Variants in RAP1GDS1 observed in about 807,000 individuals in gnomAD.
The protein encoded by RAP1GDS1 is RAP1, GTP-GDP dissociation stimulator 1.
RAP1GDS1 carries 35 observed loss-of-function variants against 71.1 expected under a neutral mutation model. That is an observed-to-expected ratio of 0.49 (90% CI 0.38 to 0.65). The LOEUF (loss-of-function observed/expected upper bound fraction) is 0.65, where lower values mean the gene tolerates loss of function less well. Among genes scored for constraint, RAP1GDS1 ranks in the 30% least tolerant of loss-of-function variants. The pLI is 0.00. For synonymous variants in RAP1GDS1, 229 were observed against 243.1 expected (o/e 0.94, Z 0.54); for missense variants, 663 against 706.1 (o/e 0.94, Z 0.69).
At chr4:98,352,935 G>A (rs1737428648) in intron 4 of RAP1GDS1, among the ~76,000 whole-genome samples, 1 of 152,078 alleles carries the variant, frequency 6.6e-6, no homozygotes, top group South Asian at 2.1e-4. Flanking sequence ...TCTCTGAATG[G>A]GAATGCTTAT....
chr4:98,437,064 A>C lies in RAP1GDS1; in HGVS notation c.1692A>C (p.Gly564=). The C allele has an allele frequency of 6.3e-7, 1 of 1,596,812 alleles. No homozygotes were observed. Among genetic ancestry groups the C allele is most frequent in the South Asian group, 1.1e-5 (1 of 87,332 alleles). Residue 564 remains glycine, a synonymous_variant, in exon 14 of 15, where the codon GGA becomes GGC. Transcript: ENST00000408927. ...NSMVLICALM[G]SECLHKEVQD... is the part of the protein sequence containing the mutation. ...TGGTCCTGATATGTGCTCTTATGGG[A>C]TCTGGTAAGTATTCTTCTATCATTT...
chr4:98,428,598 A>G (rs947040851), intron 12 of RAP1GDS1, among the ~76,000 whole-genome samples: 2 of 152,248 alleles, frequency 1.3e-5, no homozygotes, highest in African/African-American at 4.8e-5. Flanking sequence ...AAAAATGCTC[A>G]GCATCACTAA....
intron 4 of RAP1GDS1, 25 bp from the exon 5 acceptor site, chr4:98,378,992 T>G: frequency 6.5e-7 from 1 of 1,540,946 alleles, no homozygotes; most frequent in East Asian, 2.3e-5. Context: ...TTCTTTTATT[T>G]TTAATTTAAC....
intron 1 of RAP1GDS1, among the ~76,000 whole-genome samples, chr4:98,277,648 A>G (rs1724424643): frequency 6.6e-6 from 1 of 152,142 alleles, no homozygotes; most frequent in Non-Finnish European, 1.5e-5. Flanking sequence ...GGTACCTACT[A>G]CTACTTAGAT....
intron 7 of RAP1GDS1, among the ~76,000 whole-genome samples, chr4:98,414,901 G>T (rs1312008564): frequency 6.6e-6 from 1 of 151,504 alleles, no homozygotes; most frequent in South Asian, 2.1e-4. Context: ...TTGAGCAGTG[G>T]TTTGTAGTTC....
At chr4:98,295,160 A>T (rs1289860256) in intron 2 of RAP1GDS1, among the ~76,000 whole-genome samples, 1 of 152,128 alleles carries the variant, frequency 6.6e-6, no homozygotes, top group Non-Finnish European at 1.5e-5. Flanking sequence ...AAACACTGAG[A>T]AGTTCATAAT....
chr4:98,400,680 T>C lies in RAP1GDS1; in HGVS notation c.638-3797T>C, dbSNP rs1745280537. On this transcript the variant is annotated intron_variant, in intron 6 of 14. Coordinates refer to ENST00000408927, the MANE Select transcript of RAP1GDS1 (RefSeq NM_001100427.2). ...TGTACCATTGTAGGATAACTATCGTTGACAATAATTATTACATAGTTTCAG... is the reference window on the plus strand; with the variant it reads ...TGTACCATTGTAGGATAACTATCGTCGACAATAATTATTACATAGTTTCAG... Among the ~76,000 whole-genome samples the C allele has an allele frequency of 1.3e-5, 2 of 152,124 alleles. 1 individual carries two copies. Among genetic ancestry groups the C allele is most frequent in the South Asian group, 4.1e-4 (2 of 4,824 alleles).
intron 12 of RAP1GDS1, among the ~76,000 whole-genome samples, chr4:98,425,520 A>G (rs1407631654): frequency 6.6e-6 from 1 of 152,202 alleles, no homozygotes; most frequent in Non-Finnish European, 1.5e-5. Flanking sequence ...CACTTAAGGT[A>G]GAGGGGTGGA....
At chr4:98,321,583 C>G (rs1334449150) in intron 2 of RAP1GDS1, among the ~76,000 whole-genome samples, 1 of 151,530 alleles carries the variant, frequency 6.6e-6, no homozygotes, top group Admixed American at 6.6e-5. Context: ...TCGGCAGAAA[C>G]CCTACAAGCC....
At chr4:98,348,353 A>T (rs560070955) in intron 3 of RAP1GDS1, among the ~76,000 whole-genome samples, 1 of 152,210 alleles carries the variant, frequency 6.6e-6, no homozygotes. Flanking sequence ...CATTTTCTTA[A>T]TCCAGTCTAT....
At chr4:98,373,907 ACTAATGGG>A (rs1249040438) in intron 4 of RAP1GDS1, among the ~76,000 whole-genome samples, 1 of 152,204 alleles carries the variant, frequency 6.6e-6, no homozygotes, top group Admixed American at 6.5e-5. Context: ...TACTTAAGTG[ACTAATGGG>A]CAGGTAGTGT....
At chr4:98,426,754 G>A (rs1749672188) in intron 12 of RAP1GDS1, among the ~76,000 whole-genome samples, 1 of 152,008 alleles carries the variant, frequency 6.6e-6, no homozygotes, top group Non-Finnish European at 1.5e-5. Context: ...AAAAGTCCAG[G>A]ACCAGACAGA....
rs532906942 is a variant in RAP1GDS1, at chr4:98,402,846, T to G, written c.638-1631T>G. ...TATGTTTCTGGTGGTTGAAGCAGTA[T>G]GTACTGCCCCTGCCCTCAAGGAGCT... On this transcript the variant is annotated intron_variant, in intron 6 of 14. Coordinates refer to ENST00000408927, the MANE Select transcript of RAP1GDS1 (RefSeq NM_001100427.2). 1.1e-3 allele frequency among the ~76,000 whole-genome samples: 175 copies of G among 152,340 alleles called. 1 individual carries two copies. The South Asian group carries it at 0.018, about 16-fold the overall frequency.
intron 2 of RAP1GDS1, 116 bp downstream of exon 2, chr4:98,293,631 G>A: frequency 4.0e-6 from 3 of 741,040 alleles, no homozygotes. Context: ...GAATTCTTTT[G>A]AATCATATCC....
chr4:98,420,907 G>A (rs372303468), intron 11 of RAP1GDS1, among the ~76,000 whole-genome samples: 6 of 152,202 alleles, frequency 3.9e-5, no homozygotes, highest in Non-Finnish European at 8.8e-5. Flanking sequence ...CCACTCCTAG[G>A]AATGAATTAT....
At chr4:98,366,948 TC>T (rs1739585993) in intron 4 of RAP1GDS1, among the ~76,000 whole-genome samples, 1 of 152,154 alleles carries the variant, frequency 6.6e-6, no homozygotes. Context: ...ATTCTATTTT[TC>T]TGAGGAGAAT....
At chr4:98,436,077 A>T (rs943785083) in intron 13 of RAP1GDS1, among the ~76,000 whole-genome samples, 6 of 143,682 alleles carry the variant, frequency 4.2e-5, no homozygotes, top group African/African-American at 1.1e-4. Flanking sequence ...TCTCAAAAAA[A>T]AAATATATAT....
chr4:98,319,597 G>T (rs1469831618), intron 2 of RAP1GDS1, among the ~76,000 whole-genome samples: 1 of 151,712 alleles, frequency 6.6e-6, no homozygotes, highest in Non-Finnish European at 1.5e-5. Context: ...ACTGGCCAAC[G>T]TGGTGAAACC....
chr4:98,392,730 A>G (rs535767838), intron 6 of RAP1GDS1, among the ~76,000 whole-genome samples: 15 of 152,188 alleles, frequency 9.9e-5, no homozygotes, highest in Non-Finnish European at 1.9e-4. Context: ...ATTACATTTC[A>G]TATAAATTGC....
Sources: allele counts gnomAD v4.1 joint callset (sites outside exome capture counted in the v4.1 genomes callset), GRCh38; gene constraint gnomAD v4.1.1; transcripts MANE v1.5; gene names NCBI Gene and HGNC (gene_info 2026-07-23, HGNC 2026-07-21).